The following SNTG2 variants were observed in gnomAD, a reference collection of about 807,000 sequenced individuals.
SNTG2 encodes the protein gamma-2-syntrophin.
Under a neutral mutation model 70.9 loss-of-function variants are expected in SNTG2, and 74 were observed. The observed-to-expected ratio is 1.04, with a 90% CI of 0.86 to 1.27. The LOEUF (loss-of-function observed/expected upper bound fraction) is 1.27, where lower values mean the gene tolerates loss of function less well. Among genes scored for constraint, SNTG2 ranks in the 50% most tolerant of loss-of-function variants. SNTG2 has a pLI of 0.00. For missense variants in SNTG2, 717 were observed against 690.7 expected (o/e 1.04, Z -0.43); for synonymous variants, 278 against 273.8 (o/e 1.02, Z -0.15).
intron 14 of SNTG2, among the ~76,000 whole-genome samples, chr2:1,291,145 A>G (rs538504495): frequency 6.6e-6 from 1 of 152,270 alleles, no homozygotes; most frequent in East Asian, 1.9e-4. Context: ...GGTCATTGAT[A>G]TATCTTCTTG....
At chr2:1,221,442 T>C in intron 9 of SNTG2, among the ~76,000 whole-genome samples, 1 of 142,464 alleles carries the variant, frequency 7.0e-6, no homozygotes, top group Non-Finnish European at 1.5e-5. Context: ...TCTCTGTCTC[T>C]GTCTCTGTCT....
intron 14 of SNTG2, among the ~76,000 whole-genome samples, chr2:1,287,891 A>G (rs980626126): frequency 3.9e-5 from 6 of 152,148 alleles, no homozygotes; most frequent in African/African-American, 1.4e-4. Context: ...GTTGACTTTA[A>G]GACCCGAGAA....
intron 14 of SNTG2, among the ~76,000 whole-genome samples, chr2:1,305,742 G>A (rs1680641834): frequency 6.6e-6 from 1 of 152,168 alleles, no homozygotes. Flanking sequence ...ATTTTGTGTA[G>A]CCAGAGGTTC....
intron 16 of SNTG2, among the ~76,000 whole-genome samples, chr2:1,331,885 C>T (rs2148284964): frequency 6.6e-6 from 1 of 152,306 alleles, no homozygotes; most frequent in African/African-American, 2.4e-5. Context: ...ACCAGGAAGG[C>T]CTGAAGTTCA....
chr2:1,273,277 A>G (rs574724264), intron 14 of SNTG2, among the ~76,000 whole-genome samples: 2 of 151,888 alleles, frequency 1.3e-5, no homozygotes, highest in South Asian at 2.1e-4. Flanking sequence ...CAGAACACCA[A>G]TCTCTTCTGC....
At chr2:1,006,344 AC>A (rs1232661471) in intron 1 of SNTG2, among the ~76,000 whole-genome samples, 2 of 152,284 alleles carry the variant, frequency 1.3e-5, no homozygotes, top group African/African-American at 4.8e-5. Context: ...TTGATTATAT[AC>A]ATATTAGTGA....
intron 6 of SNTG2, among the ~76,000 whole-genome samples, chr2:1,155,226 C>A (rs1401631356): frequency 6.7e-6 from 1 of 148,394 alleles, no homozygotes; most frequent in Admixed American, 6.7e-5. Context: ...ACATAAACAC[C>A]ATGCAAATAT....
At chr2:1,165,042 C>T (rs1165785556) in intron 6 of SNTG2, among the ~76,000 whole-genome samples, 1 of 152,204 alleles carries the variant, frequency 6.6e-6, no homozygotes, top group African/African-American at 2.4e-5. Context: ...GTGACTGAAA[C>T]AGTTTGTATA....
At chr2:1,031,358 G>C (rs1247051612) in intron 1 of SNTG2, among the ~76,000 whole-genome samples, 1 of 151,708 alleles carries the variant, frequency 6.6e-6, no homozygotes, top group East Asian at 1.9e-4. Flanking sequence ...ACAGTCCTCA[G>C]AGTGTCAGAT....
At chr2:978,355 T>G (rs1159827653) in intron 1 of SNTG2, among the ~76,000 whole-genome samples, 1 of 152,248 alleles carries the variant, frequency 6.6e-6, no homozygotes, top group African/African-American at 2.4e-5. Context: ...TTTCCAGAAT[T>G]AGAAATTATT....
chr2:1,221,121 C>A (rs1329885224), intron 9 of SNTG2, among the ~76,000 whole-genome samples: 6 of 152,252 alleles, frequency 3.9e-5, no homozygotes, highest in Admixed American at 3.9e-4. Context: ...GTCATTCTCC[C>A]AACTCACTTC....
chr2:1,209,876 A>T (rs910722387), intron 9 of SNTG2, among the ~76,000 whole-genome samples: 2 of 142,784 alleles, frequency 1.4e-5, no homozygotes, highest in African/African-American at 6.1e-5. Context: ...TTCTGTCAGC[A>T]AAGGAATTTT....
intron 7 of SNTG2, among the ~76,000 whole-genome samples, chr2:1,171,242 GAAAT>G (rs1443676658): frequency 6.6e-6 from 1 of 152,108 alleles, no homozygotes; most frequent in East Asian, 1.9e-4. Flanking sequence ...CTATTCATCA[GAAAT>G]AAATTTATAG....
chr2:960,499 C>CA (rs1276251156), intron 1 of SNTG2, among the ~76,000 whole-genome samples: 3 of 152,230 alleles, frequency 2.0e-5, no homozygotes, highest in Non-Finnish European at 4.4e-5. Context: ...TGGATGCAGA[C>CA]AGAGGACTCT....
intron 16 of SNTG2, among the ~76,000 whole-genome samples, chr2:1,347,789 G>T (rs1660372234): frequency 6.6e-6 from 1 of 152,180 alleles, no homozygotes; most frequent in South Asian, 2.1e-4. Context: ...CTGCAGTCCT[G>T]CACTCCCACA....
chr2:1,026,450 A>G (rs1301821763), intron 1 of SNTG2, among the ~76,000 whole-genome samples: 1 of 152,230 alleles, frequency 6.6e-6, no homozygotes. Context: ...GCCCTCTGAC[A>G]ATAGTTTTAG....
intron 1 of SNTG2, among the ~76,000 whole-genome samples, chr2:974,230 C>G (rs566385006): frequency 1.3e-5 from 2 of 152,148 alleles, no homozygotes; most frequent in Non-Finnish European, 2.9e-5. Flanking sequence ...TCACATCCTC[C>G]GAGGTGGGCT....
At chr2:1,061,454 C>T (rs116047297) in intron 1 of SNTG2, among the ~76,000 whole-genome samples, 2 of 152,254 alleles carry the variant, frequency 1.3e-5, no homozygotes, top group Non-Finnish European at 2.9e-5. Flanking sequence ...AACAGCTTTC[C>T]GAGGTTGAGG....
At chr2:1,281,538 G>A (rs868457077) in intron 14 of SNTG2, among the ~76,000 whole-genome samples, 2 of 143,038 alleles carry the variant, frequency 1.4e-5, no homozygotes, top group African/African-American at 2.6e-5. Context: ...GTTTGGTGTG[G>A]TGTGTGTGTA....
Sources: allele counts gnomAD v4.1 joint callset (sites outside exome capture counted in the v4.1 genomes callset), GRCh38; gene constraint gnomAD v4.1.1; transcripts MANE v1.5; gene names NCBI Gene and HGNC (gene_info 2026-07-23, HGNC 2026-07-21).